CDC73: variants seen among roughly 807,000 people sequenced by gnomAD.
The protein encoded by CDC73 is parafibromin.
A neutral mutation model predicts 83.7 loss-of-function variants in CDC73; 21 were observed. That is an observed-to-expected ratio of 0.25 (90% confidence interval 0.18 to 0.36). The LOEUF (loss-of-function observed/expected upper bound fraction) is 0.36, where lower values mean the gene tolerates loss of function less well. Ranked by LOEUF, CDC73 falls within the 10% of genes least tolerant of loss-of-function variation. The probability of loss-of-function intolerance (pLI) is 1.00; values close to 1 mark genes in which losing one functional copy is unlikely to be tolerated. For synonymous variants in CDC73, 224 were observed against 212.9 expected, an observed-to-expected ratio of 1.05 and a Z score of -0.45; for missense variants, 342 against 653.3, an observed-to-expected ratio of 0.52 and a Z score of 5.19.
chr1:193,249,392 A>C (rs1370280926), intron 15 of CDC73, among the ~76,000 whole-genome samples: 1 of 152,034 alleles, frequency 6.6e-6, no homozygotes, highest in Non-Finnish European at 1.5e-5. Context: ...GTACCAGGAA[A>C]TATGCGTAAC....
At chr1:193,150,251 A>G (rs1676081803) in intron 8 of CDC73, 53 bp from the exon 9 acceptor site, 1 of 1,298,440 alleles carries the variant, frequency 7.7e-7, no homozygotes, top group Non-Finnish European at 1.1e-6. Flanking sequence ...AGCACATTAA[A>G]TAAGTGACAT....
intron 7 of CDC73, among the ~76,000 whole-genome samples, chr1:193,146,392 T>G (rs2370028): frequency 0.61 from 92,864 of 151,868 alleles, 29,064 homozygotes; most frequent in South Asian, 0.77. Context: ...GACAAGAAAT[T>G]TATTTCTCAT....
intron 2 of CDC73, among the ~76,000 whole-genome samples, chr1:193,126,611 C>G (rs940217424): frequency 6.6e-6 from 1 of 151,994 alleles, no homozygotes; most frequent in East Asian, 1.9e-4. Flanking sequence ...TAGAGTTGAA[C>G]ATAAAATTTT....
chr1:193,168,817 G>T (rs553615148), intron 10 of CDC73, among the ~76,000 whole-genome samples: 1 of 152,166 alleles, frequency 6.6e-6, no homozygotes, highest in African/African-American at 2.4e-5. Context: ...GAGCCACAGC[G>T]TCTGGCTGAC....
intron 5 of CDC73, among the ~76,000 whole-genome samples, chr1:193,137,841 A>G (rs1223065452): frequency 6.6e-6 from 1 of 152,214 alleles, no homozygotes; most frequent in Non-Finnish European, 1.5e-5. Context: ...GCACTTAATC[A>G]TAAAGAAAAA....
intron 16 of CDC73, 136 bp downstream of exon 16, chr1:193,250,007 A>G (rs1157198930): frequency 2.5e-6 from 2 of 790,580 alleles, no homozygotes; most frequent in African/African-American, 3.5e-5. Context: ...GCTTATCTTC[A>G]GTACATAATT....
intron 15 of CDC73, among the ~76,000 whole-genome samples, chr1:193,238,988 C>T (rs1456877503): frequency 1.3e-5 from 2 of 152,232 alleles, no homozygotes; most frequent in East Asian, 3.9e-4. Context: ...TGGTTATGTC[C>T]CTATTTCTCT....
At chr1:193,124,925 T>C (rs1675537250) in intron 1 of CDC73, among the ~76,000 whole-genome samples, 187 bp from the exon 2 acceptor site, 1 of 152,272 alleles carries the variant, frequency 6.6e-6, no homozygotes, top group Non-Finnish European at 1.5e-5. Flanking sequence ...TTCTTGCTTT[T>C]TGTCATTGCC....
intron 10 of CDC73, among the ~76,000 whole-genome samples, chr1:193,156,779 C>G (rs547257412): frequency 6.6e-6 from 1 of 152,090 alleles, no homozygotes; most frequent in East Asian, 1.9e-4. Context: ...AATGGAGACT[C>G]TCTTAAAAGC....
At chr1:193,234,341 A>AATAT (rs1359879878) in intron 14 of CDC73, among the ~76,000 whole-genome samples, 8 of 136,664 alleles carry the variant, frequency 5.9e-5, no homozygotes, top group Admixed American at 7.9e-5. Context: ...CACACACATA[A>AATAT]ATATATATAT....
intron 6 of CDC73, among the ~76,000 whole-genome samples, chr1:193,140,704 A>G (rs1233360492): frequency 1.3e-5 from 2 of 152,190 alleles, no homozygotes; most frequent in East Asian, 3.9e-4. Flanking sequence ...TCGTGTCCGG[A>G]TATCCCAGGC....
At chr1:193,169,935 GA>G (rs1247209283) in intron 10 of CDC73, among the ~76,000 whole-genome samples, 4 of 151,792 alleles carry the variant, frequency 2.6e-5, no homozygotes, top group Non-Finnish European at 5.9e-5. Context: ...TATTTTTTCT[GA>G]TCCTCTCTCT....
At chr1:193,187,934 G>T (rs939271132) in intron 10 of CDC73, among the ~76,000 whole-genome samples, 4 of 152,128 alleles carry the variant, frequency 2.6e-5, no homozygotes, top group Non-Finnish European at 5.9e-5. Flanking sequence ...CTTCCTTGTA[G>T]TCTATATCCA....
intron 10 of CDC73, among the ~76,000 whole-genome samples, chr1:193,183,600 G>T (rs1183024858): frequency 6.6e-6 from 1 of 150,824 alleles, no homozygotes; most frequent in African/African-American, 2.4e-5. Context: ...TTAAATAGCT[G>T]GCCATTCTTT....
intron 5 of CDC73, among the ~76,000 whole-genome samples, 177 bp downstream of exon 5, chr1:193,135,766 A>G (rs1228794875): frequency 1.3e-5 from 2 of 151,602 alleles, no homozygotes; most frequent in Admixed American, 1.3e-4. Flanking sequence ...GCTCTCTCAC[A>G]TGCAAGCTAT....
intron 5 of CDC73, among the ~76,000 whole-genome samples, chr1:193,135,988 C>T (rs1675791330): frequency 6.6e-6 from 1 of 151,754 alleles, no homozygotes; most frequent in Non-Finnish European, 1.5e-5. Context: ...CCCACCTCAG[C>T]CTCCCGAGTA....
At chr1:193,198,186 CT>C (rs1677034038) in intron 10 of CDC73, among the ~76,000 whole-genome samples, 1 of 152,082 alleles carries the variant, frequency 6.6e-6, no homozygotes, top group Non-Finnish European at 1.5e-5. Flanking sequence ...AGTAAAGTAC[CT>C]TGCAGTCTGA....
At chr1:193,216,713 C>G (rs570092658) in intron 13 of CDC73, among the ~76,000 whole-genome samples, 4 of 151,966 alleles carry the variant, frequency 2.6e-5, no homozygotes, top group African/African-American at 9.7e-5. Flanking sequence ...ATTAGAAAAT[C>G]GAATCCAGCA....
chr1:193,211,349 C>T (rs1014264135), intron 11 of CDC73, among the ~76,000 whole-genome samples: 1 of 152,172 alleles, frequency 6.6e-6, no homozygotes, highest in African/African-American at 2.4e-5. Flanking sequence ...TTTTCTTCTT[C>T]GCAGTTACAC....
Sources: allele counts gnomAD v4.1 joint callset (sites outside exome capture counted in the v4.1 genomes callset), GRCh38; gene constraint gnomAD v4.1.1; transcripts MANE v1.5; gene names NCBI Gene and HGNC (gene_info 2026-07-23, HGNC 2026-07-21).